Variants in SGIP1 observed in about 807,000 individuals in gnomAD.
SGIP1 encodes SH3-containing GRB2-like protein 3-interacting protein 1.
Under a neutral mutation model 107.5 loss-of-function variants are expected in SGIP1, and 38 were observed. That is an observed-to-expected ratio of 0.35 (90% CI 0.27 to 0.46). SGIP1 has a LOEUF of 0.46. SGIP1 is among the 20% of genes least tolerant of loss of function. The pLI, the probability that SGIP1 is intolerant of heterozygous loss-of-function variation, is 1.00. For synonymous variants in SGIP1, 365 were observed against 366.1 expected (o/e 1.00, Z 0.03); for missense variants, 929 against 1,019.5 (o/e 0.91, Z 1.21).
intron 1 of SGIP1, among the ~76,000 whole-genome samples, chr1:66,587,548 T>G (rs533984801): frequency 2.6e-5 from 4 of 152,254 alleles, no homozygotes; most frequent in African/African-American, 7.2e-5. Flanking sequence ...ATGACTTTTT[T>G]GGGGCCTCTT....
At position 66,743,520 on chromosome 1, in the gene SGIP1, T is replaced by C. The variant is rs1269871030; in HGVS notation, c.*425T>C. ...AATTTAAATATAATATTGATAGCTGTCATAAAGGGGGTGCCACATATTAAA... is the reference window on the plus strand; with the variant it reads ...AATTTAAATATAATATTGATAGCTGCCATAAAGGGGGTGCCACATATTAAA... On this transcript the variant is annotated 3_prime_UTR_variant, in exon 25 of 25. Transcript: ENST00000371037. The C allele has an allele frequency of 6.5e-6, 1 of 154,128 alleles. No individual in the cohort carries two copies. The highest frequency in any genetic ancestry group is 1.4e-5 in the Non-Finnish European group (1 of 69,098). 9.5% of individuals were successfully genotyped at this position (154,128 alleles called of 1,614,324 possible).
intron 12 of SGIP1, among the ~76,000 whole-genome samples, chr1:66,675,832 C>T (rs2085191948): frequency 1.3e-5 from 2 of 152,024 alleles, no homozygotes; most frequent in South Asian, 4.2e-4. Flanking sequence ...CCATGCCTGG[C>T]CTAGAAAGAT....
intron 7 of SGIP1, among the ~76,000 whole-genome samples, chr1:66,659,489 T>C (rs1310856514): frequency 1.3e-5 from 2 of 152,228 alleles, no homozygotes; most frequent in Non-Finnish European, 2.9e-5. Flanking sequence ...GAAAGTCTCA[T>C]GCTTTCATTT....
chr1:66,718,737 C>T (rs1474465914), intron 18 of SGIP1, among the ~76,000 whole-genome samples: 2 of 151,794 alleles, frequency 1.3e-5, no homozygotes, highest in Non-Finnish European at 2.9e-5. Flanking sequence ...TGTGGTAAGT[C>T]GATGTGTATA....
chr1:66,583,773 C>T (rs1156861301), intron 1 of SGIP1, among the ~76,000 whole-genome samples: 4 of 152,128 alleles, frequency 2.6e-5, no homozygotes, highest in African/African-American at 7.2e-5. Context: ...GTCTGCATCA[C>T]TGATTATCAG....
intron 1 of SGIP1, among the ~76,000 whole-genome samples, chr1:66,545,740 C>T (rs559416763): frequency 6.6e-6 from 1 of 151,640 alleles, no homozygotes; most frequent in East Asian, 1.9e-4. Context: ...TGGGGACTGG[C>T]ATGGCAGGTC....
At chr1:66,580,973 G>A (rs936843468) in intron 1 of SGIP1, among the ~76,000 whole-genome samples, 1 of 151,962 alleles carries the variant, frequency 6.6e-6, no homozygotes, top group African/African-American at 2.4e-5. Context: ...CATTTGTTTG[G>A]ATCTGTGCAC....
At chr1:66,599,999 G>A (rs890756219) in intron 1 of SGIP1, among the ~76,000 whole-genome samples, 2 of 152,084 alleles carry the variant, frequency 1.3e-5, no homozygotes, top group African/African-American at 4.8e-5. Context: ...AAAACCCAAG[G>A]TCCAATGAAT....
chr1:66,625,976 C>A, intron 2 of SGIP1, 66 bp downstream of exon 2: 1 of 1,285,868 alleles, frequency 7.8e-7, no homozygotes, highest in Non-Finnish European at 1.1e-6. Context: ...TTATCACAGT[C>A]AATATAAGAT....
rs548432308 is a variant in SGIP1 at position 66,638,359 on chromosome 1, C to G, written c.172-1418C>G. 2.6e-5 allele frequency among the ~76,000 whole-genome samples: 4 copies of G among 152,226 alleles called. No individual in the cohort carries two copies. The South Asian group carries it at 8.3e-4, about 32-fold the overall frequency. ...GGCAGAGTTCGTATGACAGGTTTTA[C>G]AAAGACCTTTGTTCAAAGTAGAAAA... On this transcript the variant is annotated intron_variant, in intron 4 of 24. Transcript: ENST00000371037.
Position 66,743,270 on chromosome 1 carries a change from C to A in SGIP1, c.*175C>A. On this transcript the variant is annotated 3_prime_UTR_variant, in exon 25 of 25. Coordinates refer to ENST00000371037, the MANE Select transcript of SGIP1 (RefSeq NM_032291.4). The stretch of plus-strand genomic sequence containing the variant: ...CTCACACACTACCATGATGACCAGT[C>A]CTACAGTATTTACTTCTAGGTGTAA... The A allele has an allele frequency of 3.5e-6, 2 of 565,210 alleles. No individual in the cohort carries two copies. The highest frequency in any genetic ancestry group is 2.2e-5 in the South Asian group (1 of 45,934). 35.0% of individuals were successfully genotyped at this position (565,210 alleles called of 1,614,324 possible).
intron 19 of SGIP1, among the ~76,000 whole-genome samples, chr1:66,720,294 G>C (rs567811897): frequency 6.6e-6 from 1 of 152,286 alleles, no homozygotes; most frequent in African/African-American, 2.4e-5. Context: ...AACTAAGTCA[G>C]ACTTATTTTC....
chr1:66,617,225 A>G (rs1263132700), intron 1 of SGIP1, among the ~76,000 whole-genome samples: 1 of 152,188 alleles, frequency 6.6e-6, no homozygotes, highest in Non-Finnish European at 1.5e-5. Context: ...CTAGACACTG[A>G]ACTCTACATT....
intron 7 of SGIP1, among the ~76,000 whole-genome samples, chr1:66,645,465 A>C (rs1425548750): frequency 1.3e-5 from 2 of 152,160 alleles, no homozygotes; most frequent in East Asian, 1.9e-4. Flanking sequence ...CTGATGAAAA[A>C]ATGTTAAGGG....
intron 9 of SGIP1, among the ~76,000 whole-genome samples, chr1:66,667,982 G>A (rs534950861): frequency 6.6e-6 from 1 of 152,200 alleles, no homozygotes; most frequent in Admixed American, 6.5e-5. Context: ...TATGTTCCTG[G>A]ACCATAACTT....
rs201937119 is a variant in SGIP1 at position 66,651,245 on chromosome 1, C to T, written c.459+7526C>T. 3.3e-5 allele frequency among the ~76,000 whole-genome samples: 5 copies of T among 152,186 alleles called. No individual in the cohort carries two copies. In the East Asian group the frequency reaches 7.7e-4, roughly 23 times the overall value. On this transcript the variant is annotated intron_variant, in intron 7 of 24. Transcript: ENST00000371037. ...TGAATTTGGTAGTGGCAGCTGTGAA[C>T]ACGAGTGCTGTGTGTCACATACATT... is the stretch of plus-strand genomic sequence containing the variant.
chr1:66,611,475 G>T (rs1402133459), intron 1 of SGIP1, among the ~76,000 whole-genome samples: 5 of 152,212 alleles, frequency 3.3e-5, no homozygotes, highest in Non-Finnish European at 7.3e-5. Context: ...CAGGGACTTT[G>T]TTTCCAGTGT....
chr1:66,612,782 T>C (rs1305377491), intron 1 of SGIP1, among the ~76,000 whole-genome samples: 1 of 152,224 alleles, frequency 6.6e-6, no homozygotes, highest in South Asian at 2.1e-4. Flanking sequence ...CTGTGAGGAT[T>C]TGAGTTCAGG....
intron 22 of SGIP1, among the ~76,000 whole-genome samples, chr1:66,740,392 A>G (rs1341580295): frequency 1.3e-5 from 2 of 152,078 alleles, no homozygotes; most frequent in African/African-American, 2.4e-5. Context: ...TATCTGTCTT[A>G]GCAGATTTAT....
Sources: gnomAD v4.1 joint callset for allele counts (sites outside exome capture counted in the v4.1 genomes callset) on GRCh38, gnomAD v4.1.1 for gene constraint, MANE v1.5 for transcripts, NCBI Gene and HGNC (gene_info 2026-07-23, HGNC 2026-07-21) for gene names.